The following NALF1 variants were observed in gnomAD, a reference collection of about 807,000 sequenced individuals.
The protein encoded by NALF1 is NALCN channel auxiliary factor 1.
NALF1 carries 3 observed loss-of-function variants against 48.4 expected under a neutral mutation model. That is an observed-to-expected ratio of 0.06 (90% CI 0.03 to 0.16). The LOEUF (loss-of-function observed/expected upper bound fraction) is 0.16, where lower values mean the gene tolerates loss of function less well. NALF1 is among the 10% of genes least tolerant of loss of function. NALF1 has a pLI of 1.00. For missense variants in NALF1, 526 were observed against 571.5 expected, an observed-to-expected ratio of 0.92 and a Z score of 0.81; for synonymous variants, 262 against 245.7, an observed-to-expected ratio of 1.07 and a Z score of -0.62.
At chr13:107,825,390 T>C (rs774670689) in intron 1 of NALF1, among the ~76,000 whole-genome samples, 2 of 152,372 alleles carry the variant, frequency 1.3e-5, no homozygotes, top group Non-Finnish European at 2.9e-5. Flanking sequence ...TCAAATGTCA[T>C]GTGACATCAG....
intron 1 of NALF1, among the ~76,000 whole-genome samples, chr13:107,241,935 A>C (rs1387661323): frequency 6.6e-6 from 1 of 152,180 alleles, no homozygotes; most frequent in Admixed American, 6.5e-5. Context: ...CCCTGGCAGC[A>C]AAGCATCTCA....
intron 2 of NALF1, among the ~76,000 whole-genome samples, chr13:107,175,763 A>C (rs1368485838): frequency 1.3e-5 from 2 of 152,172 alleles, no homozygotes; most frequent in Non-Finnish European, 2.9e-5. Flanking sequence ...AGACTCCTCC[A>C]GTTGGCAGTG....
At chr13:107,809,811 C>T (rs1218618166) in intron 1 of NALF1, among the ~76,000 whole-genome samples, 1 of 152,094 alleles carries the variant, frequency 6.6e-6, no homozygotes, top group African/African-American at 2.4e-5. Flanking sequence ...CTCATGGAAA[C>T]GTCCACCAGA....
At chr13:107,782,480 C>G (rs888085599) in intron 1 of NALF1, among the ~76,000 whole-genome samples, 11 of 152,250 alleles carry the variant, frequency 7.2e-5, no homozygotes, top group Admixed American at 1.3e-4. Context: ...GCCACCCCGT[C>G]TAGGAAGTGA....
chr13:107,742,403 A>C (rs917204690), intron 1 of NALF1, among the ~76,000 whole-genome samples: 5 of 152,220 alleles, frequency 3.3e-5, no homozygotes, highest in African/African-American at 1.2e-4. Flanking sequence ...GGAAGGACCC[A>C]GGAGGGGATA....
rs371434128 is a variant in NALF1, at chr13:107,176,309, C to A, written c.1088-5523G>T. Among the ~76,000 whole-genome samples the A allele has an allele frequency of 1.2e-3, 167 of 135,512 alleles. 4 individuals carry two copies. In the East Asian group the frequency reaches 0.034, roughly 28 times the overall value. The allele number at this position is 135,512 out of a possible 152,430, so 88.9% of individuals were successfully genotyped here. On this transcript the variant is annotated intron_variant, in intron 2 of 2. Coordinates refer to ENST00000375915, the MANE Select transcript of NALF1 (RefSeq NM_001080396.3). ...CTGCTGTTTGACATTACAGTACCAA[C>A]CTCACAGTTTTTTTTTTTTTTTTTT... is the stretch of plus-strand genomic sequence containing the variant.
intron 1 of NALF1, among the ~76,000 whole-genome samples, chr13:107,853,111 A>C (rs1025866309): frequency 4.6e-5 from 7 of 152,234 alleles, no homozygotes; most frequent in African/African-American, 1.7e-4. Flanking sequence ...CATGGAAAAA[A>C]AGGAAATTGT....
At chr13:107,783,114 G>T (rs1877960446) in intron 1 of NALF1, among the ~76,000 whole-genome samples, 1 of 140,920 alleles carries the variant, frequency 7.1e-6, no homozygotes, top group Admixed American at 7.0e-5. Flanking sequence ...GAGGTGAGGG[G>T]CGCCTCTGCC....
At chr13:107,585,253 A>C (rs556133590) in intron 1 of NALF1, among the ~76,000 whole-genome samples, 7 of 152,290 alleles carry the variant, frequency 4.6e-5, no homozygotes, top group Admixed American at 3.9e-4. Flanking sequence ...GATAAATTTG[A>C]GAAATTACTA....
rs954802204 is a variant in NALF1 at position 107,660,451 on chromosome 13, A to G, written c.915+205231T>C. On this transcript the variant is annotated intron_variant, in intron 1 of 2. Coordinates refer to ENST00000375915, the MANE Select transcript of NALF1 (RefSeq NM_001080396.3). ...CTGTCTCAAAAACACACACACACAC[A>G]CACACACACACACACACACACACAC... is the stretch of plus-strand genomic sequence containing the variant. 4.3e-3 allele frequency among the ~76,000 whole-genome samples: 491 copies of G among 113,454 alleles called. 4 individuals are homozygous for G. Among genetic ancestry groups the G allele is most frequent in the African/African-American group, 0.021 (473 of 22,258 alleles). The allele number at this position is 113,454 out of a possible 152,430, so 74.4% of individuals were successfully genotyped here.
At chr13:107,719,239 C>CT (rs1875915505) in intron 1 of NALF1, among the ~76,000 whole-genome samples, 1 of 152,088 alleles carries the variant, frequency 6.6e-6, no homozygotes, top group Non-Finnish European at 1.5e-5. Context: ...TTGTTGTTTT[C>CT]TAGTTAGCAA....
intron 1 of NALF1, among the ~76,000 whole-genome samples, chr13:107,797,760 T>C (rs1388553907): frequency 6.6e-6 from 1 of 151,934 alleles, no homozygotes; most frequent in Non-Finnish European, 1.5e-5. Context: ...ATATCTAATT[T>C]TGGGGAAGAT....
intron 1 of NALF1, among the ~76,000 whole-genome samples, chr13:107,480,706 C>T (rs1341291619): frequency 1.3e-5 from 2 of 152,140 alleles, no homozygotes; most frequent in Non-Finnish European, 2.9e-5. Flanking sequence ...GACAAGCTTA[C>T]TATAGAACAT....
intron 1 of NALF1, among the ~76,000 whole-genome samples, chr13:107,380,767 A>T (rs1312965190): frequency 6.6e-6 from 1 of 151,980 alleles, no homozygotes; most frequent in African/African-American, 2.4e-5. Flanking sequence ...TCACGAGGTC[A>T]GGAGATCGAG....
chr13:107,523,972 A>C (rs1434485737), intron 1 of NALF1, among the ~76,000 whole-genome samples: 2 of 152,152 alleles, frequency 1.3e-5, no homozygotes, highest in African/African-American at 4.8e-5. Flanking sequence ...CATTATATGG[A>C]GTTACCTTTA....
intron 1 of NALF1, among the ~76,000 whole-genome samples, chr13:107,683,399 C>T (rs1881352640): frequency 6.6e-6 from 1 of 152,172 alleles, no homozygotes; most frequent in Admixed American, 6.5e-5. Flanking sequence ...TGAGAGAGTT[C>T]CCATGCCATA....
At chr13:107,524,491 C>T (rs1443927384) in intron 1 of NALF1, among the ~76,000 whole-genome samples, 1 of 151,792 alleles carries the variant, frequency 6.6e-6, no homozygotes, top group Admixed American at 6.6e-5. Flanking sequence ...GAAACGGATC[C>T]ACAGAAAAAA....
chr13:107,497,872 G>T (rs494756), intron 1 of NALF1, among the ~76,000 whole-genome samples: 52,410 of 151,958 alleles, frequency 0.34, 9,324 homozygotes, highest in East Asian at 0.41. Context: ...ACAAAACAAC[G>T]AAATCACAAA....
intron 1 of NALF1, among the ~76,000 whole-genome samples, chr13:107,265,978 C>T (rs1041305353): frequency 2.0e-5 from 3 of 152,178 alleles, no homozygotes; most frequent in African/African-American, 7.2e-5. Context: ...TTCAGATGCT[C>T]TCTTGTTTCT....
Sources: gnomAD v4.1 joint callset for allele counts (sites outside exome capture counted in the v4.1 genomes callset) on GRCh38, gnomAD v4.1.1 for gene constraint, MANE v1.5 for transcripts, NCBI Gene and HGNC (gene_info 2026-07-23, HGNC 2026-07-21) for gene names.